MED12L: variants seen among roughly 807,000 people sequenced by gnomAD.
The protein encoded by MED12L is mediator of RNA polymerase II transcription subunit 12-like protein.
A neutral mutation model predicts 281.3 loss-of-function variants in MED12L; 60 were observed. The ratio of observed to expected loss-of-function variants is 0.21; its 90% confidence interval spans 0.17 to 0.26. MED12L has a LOEUF of 0.26. MED12L is among the 10% of genes least tolerant of loss of function. MED12L has a pLI of 1.00. For synonymous variants in MED12L, 974 were observed against 987.2 expected, an observed-to-expected ratio of 0.99 and a Z score of 0.25; for missense variants, 2,146 against 2,680.9, an observed-to-expected ratio of 0.80 and a Z score of 4.41.
intron 2 of MED12L, among the ~76,000 whole-genome samples, chr3:151,105,038 A>G (rs1329136027): frequency 6.6e-6 from 1 of 152,142 alleles, no homozygotes; most frequent in Non-Finnish European, 1.5e-5. Flanking sequence ...GGACTTTGAT[A>G]TATCTCTTTG....
chr3:151,198,395 G>A (rs1192707486), intron 16 of MED12L: 3 of 1,516,170 alleles, frequency 2.0e-6, no homozygotes, highest in Non-Finnish European at 1.8e-6. Flanking sequence ...GTCCAGTAAG[G>A]CCAGAATTGG....
At chr3:151,314,722 C>G (rs1748006355) in intron 16 of MED12L, among the ~76,000 whole-genome samples, 1 of 152,090 alleles carries the variant, frequency 6.6e-6, no homozygotes, top group Admixed American at 6.5e-5. Flanking sequence ...TGTGCTTGGT[C>G]CAAGCCTTGG....
intron 16 of MED12L, among the ~76,000 whole-genome samples, chr3:151,228,888 C>T (rs1731056721): frequency 6.6e-6 from 1 of 152,132 alleles, no homozygotes; most frequent in South Asian, 2.1e-4. Flanking sequence ...TCCCTGGGGC[C>T]AGGCAAGGAA....
chr3:151,157,933 T>C (rs559625098), intron 6 of MED12L, among the ~76,000 whole-genome samples: 1 of 152,196 alleles, frequency 6.6e-6, no homozygotes, highest in African/African-American at 2.4e-5. Flanking sequence ...AATACAAAAC[T>C]ATAATAGGAT....
In MED12L at chr3:151,192,593, C is replaced by G; in HGVS notation, c.2012C>G (p.Thr671Ser). 1 of 1,536,342 alleles carries G rather than the reference C, an allele frequency of 6.5e-7. No homozygotes were observed. The highest frequency in any genetic ancestry group is 8.7e-7 in the Non-Finnish European group (1 of 1,146,896). ...CATATGGGCATTGACTCAGGAACCA[C>G]TAACATTTTTGATGAAGTAGACAAG... ...MAHMGIDSGTTNIFDEVDKSD... is the reference protein window; with the variant it reads ...MAHMGIDSGTSNIFDEVDKSD... The change falls in exon 15 of 45, where the codon ACT (threonine) becomes AGT (serine). Residue 671 changes from threonine to serine, a missense_variant. Transcript: ENST00000687756.
chr3:151,133,188 C>T (rs1006882872), intron 5 of MED12L, among the ~76,000 whole-genome samples: 3 of 152,096 alleles, frequency 2.0e-5, no homozygotes, highest in Non-Finnish European at 4.4e-5. Context: ...GTAATAGAAA[C>T]GTGTTTTATT....
intron 16 of MED12L, chr3:151,198,943 T>A: frequency 6.2e-7 from 1 of 1,614,036 alleles, no homozygotes; most frequent in African/African-American, 1.3e-5. Flanking sequence ...TCATCATATT[T>A]GGCACCATTA....
intron 8 of MED12L, among the ~76,000 whole-genome samples, chr3:151,160,357 C>T (rs935208473): frequency 2.0e-5 from 3 of 152,186 alleles, no homozygotes; most frequent in Non-Finnish European, 2.9e-5. Context: ...AATTAAAAAT[C>T]CTTCAGGGAA....
At chr3:151,221,187 A>G (rs1049831430) in intron 16 of MED12L, among the ~76,000 whole-genome samples, 11 of 152,170 alleles carry the variant, frequency 7.2e-5, no homozygotes, top group African/African-American at 2.7e-4. Flanking sequence ...AGCTGAAGAA[A>G]TTTCTAAGCA....
At chr3:151,343,995 T>C (rs951756254) in intron 16 of MED12L, among the ~76,000 whole-genome samples, 1 of 152,182 alleles carries the variant, frequency 6.6e-6, no homozygotes, top group African/African-American at 2.4e-5. Flanking sequence ...TGCATAGTCA[T>C]GTCTGCTAGC....
intron 16 of MED12L, among the ~76,000 whole-genome samples, chr3:151,306,986 T>G (rs1469043397): frequency 6.6e-5 from 10 of 152,222 alleles, no homozygotes; most frequent in Non-Finnish European, 1.5e-4. Context: ...TGAAGGTTTA[T>G]TTTGCCACTT....
At chr3:151,425,097 A>T (rs550323721) in intron 43 of MED12L, among the ~76,000 whole-genome samples, 1 of 152,362 alleles carries the variant, frequency 6.6e-6, no homozygotes, top group Non-Finnish European at 1.5e-5. Context: ...TGTTAAAATC[A>T]CACATTATCC....
In MED12L at chr3:151,390,105, T is replaced by A; in HGVS notation, c.5578T>A (p.Phe1860Ile). ...CGTGGGCCAGCCCCAGCAGCCCGGC[T>A]TTTTCCTTCAGAACCAATCTCTTAC... The part of the protein sequence containing the change: ...NLVGQPQQPG[F>I]FLQNQSLTPG... Residue 1860 changes from phenylalanine to isoleucine, a missense_variant, in exon 38 of 45, where the codon TTT (phenylalanine) becomes ATT (isoleucine). Around this residue, in one of 9 missense-constraint regions of MED12L, gnomAD observed 496 missense variants for 512.0 expected, o/e 0.97. Transcript: ENST00000687756. The A allele has an allele frequency of 6.2e-7, 1 of 1,614,072 alleles. No homozygotes were observed. The highest frequency in any genetic ancestry group is 1.3e-5 in the African/African-American group (1 of 75,052).
intron 16 of MED12L, among the ~76,000 whole-genome samples, chr3:151,240,040 T>C (rs1210718090): frequency 2.7e-3 from 9 of 3,348 alleles, no homozygotes; most frequent in Admixed American, 0.021. Flanking sequence ...TCTCCCACCT[T>C]TTTTTTTTTT....
chr3:151,188,255 T>A (rs938778113), intron 12 of MED12L, 99 bp from the exon 13 acceptor site: 2 of 855,486 alleles, frequency 2.3e-6, no homozygotes, highest in African/African-American at 3.4e-5. Context: ...TTTACATGTT[T>A]TACCTGAGCA....
chr3:151,240,549 A>G (rs1395437643), intron 16 of MED12L, among the ~76,000 whole-genome samples: 2 of 152,244 alleles, frequency 1.3e-5, no homozygotes, highest in African/African-American at 4.8e-5. Context: ...GAGGTGAAAG[A>G]GCTAAAAAAC....
chr3:151,247,190 T>G lies in MED12L; in HGVS notation c.2250+53524T>G, dbSNP rs568725354. Among the ~76,000 whole-genome samples, 301 of 152,170 alleles carry G rather than the reference T, an allele frequency of 2.0e-3. 2 individuals are homozygous for G. The highest frequency in any genetic ancestry group is 5.9e-3 in the African/African-American group (247 of 41,538). Reference sequence around the variant, plus strand: ...GGACTGTAAACTAGTTCAACCATTGTGGAAGTCAGTGTGGCGATTCCTCAG... The same window carrying G: ...GGACTGTAAACTAGTTCAACCATTGGGGAAGTCAGTGTGGCGATTCCTCAG... On this transcript the variant is annotated intron_variant, in intron 16 of 44. Transcript: ENST00000687756.
At chr3:151,322,730 C>G (rs1470383745) in intron 16 of MED12L, among the ~76,000 whole-genome samples, 2 of 152,118 alleles carry the variant, frequency 1.3e-5, no homozygotes, top group Non-Finnish European at 2.9e-5. Flanking sequence ...ACTGGACTTC[C>G]TGATTCTCCT....
intron 34 of MED12L, 23 bp downstream of exon 34, chr3:151,383,911 T>A (rs771404946): frequency 6.3e-7 from 1 of 1,590,616 alleles, no homozygotes; most frequent in Non-Finnish European, 8.6e-7. Context: ...CACTTCACAT[T>A]GATTTTGCTA....
Sources: allele counts gnomAD v4.1 joint callset (sites outside exome capture counted in the v4.1 genomes callset), GRCh38; gene constraint gnomAD v4.1.1; regional missense constraint gnomAD v4.1.1; transcripts MANE v1.5; gene names NCBI Gene and HGNC (gene_info 2026-07-23, HGNC 2026-07-21).